GCC2: variants seen among roughly 807,000 people sequenced by gnomAD.
GCC2 encodes the protein GRIP and coiled-coil domain containing 2, also known as GRIP and coiled-coil domain-containing protein 2.
GCC2 carries 120 observed loss-of-function variants against 210.6 expected under a neutral mutation model. The observed-to-expected ratio is 0.57, with a 90% CI of 0.49 to 0.66. The LOEUF is 0.66. GCC2 is among the 30% of genes least tolerant of loss of function. The pLI, the probability that GCC2 is intolerant of heterozygous loss-of-function variation, is 0.00. For missense variants in GCC2, 1,868 were observed against 1,871.9 expected, an observed-to-expected ratio of 1.00 and a Z score of 0.04; for synonymous variants, 703 against 652.7, an observed-to-expected ratio of 1.08 and a Z score of -1.17.
intron 4 of GCC2, among the ~76,000 whole-genome samples, chr2:108,459,466 G>A (rs1327149326): frequency 1.3e-5 from 2 of 152,074 alleles, no homozygotes; most frequent in African/African-American, 4.8e-5. Flanking sequence ...TGCAGCTGTT[G>A]GATAAAATGT....
At position 108,495,378 on chromosome 2, in the gene GCC2, G is replaced by C. The variant is rs746309826; in HGVS notation, c.4535G>C (p.Arg1512Pro). ...CTTCTAGACATGCACACTGTAACCC[G>C]GGAAGAGGGAGAAGGCATGGAGACA... ...LPLLDMHTVTREEGEGMETTD... is the reference protein window; with the variant it reads ...LPLLDMHTVTPEEGEGMETTD... Residue 1512 changes from arginine to proline, a missense_variant, in exon 20 of 23, where the codon CGG becomes CCG. Transcript: ENST00000309863. The C allele has an allele frequency of 3.8e-6, 6 of 1,575,608 alleles. No homozygotes were observed. The highest frequency in any genetic ancestry group is 5.2e-6 in the Non-Finnish European group (6 of 1,160,992).
chr2:108,468,999 A>T lies in GCC2; in HGVS notation c.236A>T (p.Asp79Val). The change falls in exon 5 of 23, where the codon GAT becomes GTT. Residue 79 changes from aspartate (D) to valine (V), a missense_variant. By Grantham distance (152) the Asp-to-Val change is radical. Transcript: ENST00000309863. ...DIIKALTERL[D>V]ALLLEKAETE... ...AAATAGGCATTAACTGAACGTCTGGATGCTCTTCTTCTGGAAAAAGCAGAG... is the reference window on the plus strand; with the variant it reads ...AAATAGGCATTAACTGAACGTCTGGTTGCTCTTCTTCTGGAAAAAGCAGAG... The T allele has an allele frequency of 6.2e-7, 1 of 1,611,570 alleles. No homozygotes were observed. Among genetic ancestry groups the T allele is most frequent in the Non-Finnish European group, 8.5e-7 (1 of 1,177,872 alleles).
At chr2:108,476,452 G>C (rs1446864469) in intron 9 of GCC2, among the ~76,000 whole-genome samples, 2 of 152,106 alleles carry the variant, frequency 1.3e-5, no homozygotes, top group African/African-American at 4.8e-5. Context: ...TATTCCTACT[G>C]TGATTATTTA....
At chr2:108,451,144 A>G (rs1679922292) in intron 3 of GCC2, 32 bp downstream of exon 3, 1 of 1,276,970 alleles carries the variant, frequency 7.8e-7, no homozygotes, top group Non-Finnish European at 1.1e-6. Flanking sequence ...TCTTGATCAC[A>G]GTCTCTTTAA....
At chr2:108,486,782 G>T (rs967087563) in intron 16 of GCC2, 134 bp downstream of exon 16, 2 of 648,542 alleles carry the variant, frequency 3.1e-6, no homozygotes, top group Non-Finnish European at 4.7e-6. Context: ...GACCTGTTCA[G>T]TTAATCTGGC....
intron 22 of GCC2, among the ~76,000 whole-genome samples, chr2:108,506,189 C>G (rs1683176763): frequency 6.6e-6 from 1 of 152,190 alleles, no homozygotes; most frequent in East Asian, 1.9e-4. Flanking sequence ...TTCATAGAAA[C>G]TTTCTTTAAA....
rs769292941 is a variant in GCC2, at chr2:108,469,683, G to A, written c.354G>A (p.Lys118=). The change falls in exon 6 of 23, where the codon AAG becomes AAA. Residue 118 remains lysine, a synonymous_variant. Transcript: ENST00000309863. ...DSVTKMGDAH[K]ELEQSHINYV... ...TAACAAAGATGGGAGATGCACATAA[G>A]GAGTTGGAACAATCACATATAAACT... 1 of 1,602,306 alleles carries A rather than the reference G, an allele frequency of 6.2e-7. No homozygotes were observed. Among genetic ancestry groups the A allele is most frequent in the Non-Finnish European group, 8.5e-7 (1 of 1,176,106 alleles).
At chr2:108,478,253 T>A (rs1039369700) in intron 9 of GCC2, among the ~76,000 whole-genome samples, 7 of 152,196 alleles carry the variant, frequency 4.6e-5, no homozygotes, top group Non-Finnish European at 1.0e-4. Context: ...ATGTATAAAT[T>A]TAAATTTTCA....
In GCC2 at chr2:108,502,503, A is replaced by C. The variant is rs543989334; in HGVS notation, c.4984+2749A>C. On this transcript the variant is annotated intron_variant, in intron 22 of 22. Coordinates refer to ENST00000309863, the MANE Select transcript of GCC2 (RefSeq NM_181453.4). Reference sequence around the variant, plus strand: ...GTAAACAGACAGGAAAACACATTTAAATTAGTTTGCCCTTTAAAGATTATT... The same window carrying C: ...GTAAACAGACAGGAAAACACATTTACATTAGTTTGCCCTTTAAAGATTATT... Among the ~76,000 whole-genome samples the C allele has an allele frequency of 7.2e-5, 11 of 152,346 alleles. No individual in the cohort carries two copies. In the East Asian group the frequency reaches 1.3e-3, roughly 19 times the overall value.
intron 15 of GCC2, 30 bp downstream of exon 15, chr2:108,485,938 A>C (rs1452412306): frequency 8.0e-7 from 1 of 1,251,922 alleles, no homozygotes; most frequent in Non-Finnish European, 1.1e-6. Context: ...AGATTAAAAA[A>C]ATGTTTTTTC....
intron 7 of GCC2, chr2:108,474,982 A>T (rs2104460686): frequency 6.6e-6 from 1 of 152,422 alleles, no homozygotes; most frequent in African/African-American, 2.4e-5. Context: ...ATAGGCCAGG[A>T]CAGAAATTCA....
At chr2:108,476,784 C>T (rs911784731) in intron 9 of GCC2, among the ~76,000 whole-genome samples, 2 of 152,090 alleles carry the variant, frequency 1.3e-5, no homozygotes, top group Non-Finnish European at 2.9e-5. Context: ...GACTGAGTTC[C>T]TATCCTCTTA....
At chr2:108,460,062 G>A (rs952956297) in intron 4 of GCC2, among the ~76,000 whole-genome samples, 1 of 152,012 alleles carries the variant, frequency 6.6e-6, no homozygotes, top group Non-Finnish European at 1.5e-5. Flanking sequence ...TGTTGGCCAG[G>A]CTGGTCTTGA....
rs1401062050 is a variant in GCC2 at position 108,495,276 on chromosome 2, A to T, written c.4448-15A>T. The T allele has an allele frequency of 4.5e-6, 7 of 1,558,200 alleles. No homozygotes were observed. The highest frequency in any genetic ancestry group is 2.3e-4 in the Middle Eastern group (1 of 4,258). ...TGAACAATCTCACACTTAACCTTTT[A>T]AAAAAATCTAATAGGCCCAGTTTCC... On this transcript the variant is annotated splice_polypyrimidine_tract_variant and intron_variant, in intron 19 of 22. Transcript: ENST00000309863.
chr2:108,469,111 CTTTTT>C, intron 5 of GCC2, 27 bp downstream of exon 5: 2 of 1,358,440 alleles, frequency 1.5e-6, no homozygotes, highest in Non-Finnish European at 2.1e-6. Flanking sequence ...GTGTTCTTTT[CTTTTT>C]TATTAACATA....
Position 108,484,329 on chromosome 2 carries a change from CACTTT to C in GCC2, c.3613+24_3613+28del. ...AGAAATAAGTGAGTTAAAGAAAATTCACTTTACTTTTTAATTATTTCATCATAACA... is the reference window on the plus strand; with the variant it reads ...AGAAATAAGTGAGTTAAAGAAAATTCACTTTTTAATTATTTCATCATAACA... On this transcript the variant is annotated intron_variant, in intron 13 of 22. Transcript: ENST00000309863. 3 of 1,366,052 alleles carry C rather than the reference CACTTT, an allele frequency of 2.2e-6. No homozygotes were observed. The highest frequency in any genetic ancestry group is 3.0e-6 in the Non-Finnish European group (3 of 1,001,572). 84.6% of individuals were successfully genotyped at this position (1,366,052 alleles called of 1,614,324 possible).
At chr2:108,504,339 C>T (rs551944679) in intron 22 of GCC2, among the ~76,000 whole-genome samples, 2 of 152,016 alleles carry the variant, frequency 1.3e-5, no homozygotes, top group East Asian at 3.9e-4. Flanking sequence ...ATTTGGGAAA[C>T]ATTAGCTTAG....
At chr2:108,464,431 G>T (rs1411290895) in intron 4 of GCC2, among the ~76,000 whole-genome samples, 2 of 152,184 alleles carry the variant, frequency 1.3e-5, no homozygotes, top group African/African-American at 4.8e-5. Flanking sequence ...AAAACTCAGG[G>T]GCTTGTGGGG....
In GCC2 at chr2:108,469,387, T is replaced by G. The variant is rs2104445635; in HGVS notation, c.322-264T>G. ...CCATTATCTCTTTAGTTCTACGGTA[T>G]TCAGAGGCATTTCTTGCCTATTTCT... is the stretch of plus-strand genomic sequence containing the variant. On this transcript the variant is annotated intron_variant, in intron 5 of 22. Coordinates refer to ENST00000309863, the MANE Select transcript of GCC2 (RefSeq NM_181453.4). 6.8e-6 allele frequency: 3 copies of G among 438,254 alleles called. No individual in the cohort carries two copies. In the Admixed American group the frequency reaches 1.2e-4, roughly 17 times the overall value. The allele number at this position is 438,254 out of a possible 1,614,324, so 27.1% of individuals were successfully genotyped here.
Sources: gnomAD v4.1 joint callset for allele counts (sites outside exome capture counted in the v4.1 genomes callset) on GRCh38, gnomAD v4.1.1 for gene constraint, MANE v1.5 for transcripts, NCBI Gene and HGNC (gene_info 2026-07-23, HGNC 2026-07-21) for gene names.